Variants in SHROOM4 observed in about 807,000 individuals in gnomAD.
SHROOM4 encodes protein Shroom4.
In SHROOM4, 17 loss-of-function variants were observed where a neutral mutation model predicts 80.3. The ratio of observed to expected loss-of-function variants is 0.21; its 90% CI spans 0.14 to 0.32. The LOEUF is 0.32. Among genes scored for constraint, SHROOM4 ranks in the 10% least tolerant of loss-of-function variants. The pLI is 1.00. For synonymous variants in SHROOM4, 400 were observed against 437.5 expected, an observed-to-expected ratio of 0.91 and a Z score of 1.07; for missense variants, 993 against 1,140.3, an observed-to-expected ratio of 0.87 and a Z score of 1.86.
At chrX:50,666,677 A>G (rs1253867192) in intron 2 of SHROOM4, among the ~76,000 whole-genome samples, 2 of 112,303 alleles carry the variant, frequency 1.8e-5, no homozygotes, top group African/African-American at 6.5e-5. Flanking sequence ...ACAAGTTTTT[A>G]ATTTTTGTTC....
chrX:50,799,889 C>CA (rs782234461), intron 1 of SHROOM4, among the ~76,000 whole-genome samples: 5 of 111,921 alleles, frequency 4.5e-5, no homozygotes, highest in Non-Finnish European at 9.4e-5. Context: ...CTGCAATCAT[C>CA]AGCCAGCCGG....
At chrX:50,745,965 G>C (rs1168926560) in intron 1 of SHROOM4, among the ~76,000 whole-genome samples, 1 of 110,889 alleles carries the variant, frequency 9.0e-6, no homozygotes, top group Non-Finnish European at 1.9e-5. Context: ...CTGGTGAGAG[G>C]GTTTGTTGAG....
intron 1 of SHROOM4, among the ~76,000 whole-genome samples, chrX:50,813,147 G>A (rs1409222958): frequency 4.4e-5 from 4 of 91,349 alleles, no homozygotes; most frequent in Admixed American, 2.6e-4. Flanking sequence ...GGCGGCGGCG[G>A]CGGCGGCGGC....
At chrX:50,687,731 T>C (rs868942155) in intron 2 of SHROOM4, among the ~76,000 whole-genome samples, 2 of 111,117 alleles carry the variant, frequency 1.8e-5, no homozygotes, top group South Asian at 7.6e-4. Context: ...AAACTAGATT[T>C]TTTGCTTTTT....
At chrX:50,805,020 C>T (rs1266224951) in intron 1 of SHROOM4, among the ~76,000 whole-genome samples, 2 of 111,717 alleles carry the variant, frequency 1.8e-5, no homozygotes, top group African/African-American at 6.5e-5. Flanking sequence ...ATCACTCACA[C>T]TCTCAGTCAG....
chrX:50,660,221 G>A (rs1381608499), intron 2 of SHROOM4, among the ~76,000 whole-genome samples: 1 of 111,686 alleles, frequency 9.0e-6, no homozygotes, highest in African/African-American at 3.3e-5. Flanking sequence ...AGTGCTTTAC[G>A]AAGTTTCATA....
At chrX:50,791,211 T>C (rs1198151275) in intron 1 of SHROOM4, among the ~76,000 whole-genome samples, 11 of 111,368 alleles carry the variant, frequency 9.9e-5, no homozygotes, top group African/African-American at 3.6e-4. Context: ...CCATTTACTA[T>C]AGCACCTAAA....
At chrX:50,605,804 G>A (rs1280959975) in intron 6 of SHROOM4, among the ~76,000 whole-genome samples, 5 of 112,451 alleles carry the variant, frequency 4.4e-5, no homozygotes, top group Admixed American at 1.9e-4. Flanking sequence ...GGCTAATAGG[G>A]CTATTGGGAG....
chrX:50,683,734 T>C (rs781825047), intron 2 of SHROOM4, among the ~76,000 whole-genome samples: 1 of 110,917 alleles, frequency 9.0e-6, no homozygotes, highest in South Asian at 3.9e-4. Context: ...TGGAGATACG[T>C]GTGGGGTATA....
intron 1 of SHROOM4, among the ~76,000 whole-genome samples, chrX:50,786,734 G>A (rs981115432): frequency 9.0e-5 from 10 of 111,259 alleles, no homozygotes; most frequent in Non-Finnish European, 1.9e-4. Context: ...CTCACACAAA[G>A]AGCCAAGGGA....
At chrX:50,804,296 C>A (rs1446877139) in intron 1 of SHROOM4, among the ~76,000 whole-genome samples, 1 of 111,766 alleles carries the variant, frequency 8.9e-6, no homozygotes, top group Non-Finnish European at 1.9e-5. Flanking sequence ...TGAAGAGTGG[C>A]AGAGTTGGGA....
chrX:50,772,218 T>C (rs1476809728), intron 1 of SHROOM4, among the ~76,000 whole-genome samples: 1 of 111,961 alleles, frequency 8.9e-6, no homozygotes, highest in African/African-American at 3.3e-5. Flanking sequence ...ACAATAAAGC[T>C]ACGGTCATTT....
chrX:50,597,209 T>C (rs1602350478), intron 8 of SHROOM4, among the ~76,000 whole-genome samples: 1 of 112,334 alleles, frequency 8.9e-6, no homozygotes, highest in African/African-American at 3.2e-5. Flanking sequence ...TCCATCTCTT[T>C]AACGCTGTCT....
At chrX:50,639,176 A>G (rs782338196) in intron 2 of SHROOM4, among the ~76,000 whole-genome samples, 1 of 112,649 alleles carries the variant, frequency 8.9e-6, no homozygotes, top group East Asian at 2.8e-4. Flanking sequence ...CATACTTCGC[A>G]TGAGCAGTTG....
intron 2 of SHROOM4, among the ~76,000 whole-genome samples, chrX:50,657,626 G>A (rs957784046): frequency 5.4e-5 from 6 of 110,638 alleles, no homozygotes; most frequent in African/African-American, 9.8e-5. Flanking sequence ...AATGGGTTGC[G>A]AAGGTGGGGG....
chrX:50,776,696 T>A (rs782751656), intron 1 of SHROOM4, among the ~76,000 whole-genome samples: 18 of 110,247 alleles, frequency 1.6e-4, no homozygotes, highest in South Asian at 1.2e-3. Context: ...TCTTTTTTTT[T>A]ATTTTTTTTT....
chrX:50,699,840 T>C (rs954602026), intron 1 of SHROOM4, among the ~76,000 whole-genome samples: 10 of 112,429 alleles, frequency 8.9e-5, no homozygotes, highest in Non-Finnish European at 1.9e-4. Flanking sequence ...TTTAGTCAGA[T>C]ACTAACAGAT....
At chrX:50,757,276 T>C (rs1935057474) in intron 1 of SHROOM4, among the ~76,000 whole-genome samples, 1 of 112,151 alleles carries the variant, frequency 8.9e-6, no homozygotes, top group Non-Finnish European at 1.9e-5. Flanking sequence ...TCTTGGCAAG[T>C]TTGCCCAAAA....
At chrX:50,685,994 CACCTGGTCTA>C (rs1933061411) in intron 2 of SHROOM4, among the ~76,000 whole-genome samples, 1 of 111,315 alleles carries the variant, frequency 9.0e-6, no homozygotes, top group Non-Finnish European at 1.9e-5. Flanking sequence ...TTGATAATAA[CACCTGGTCTA>C]TGAGTTGTGT....
Sources: gnomAD v4.1 joint callset for allele counts (sites outside exome capture counted in the v4.1 genomes callset) on GRCh38, gnomAD v4.1.1 for gene constraint, MANE v1.5 for transcripts, NCBI Gene and HGNC (gene_info 2026-07-23, HGNC 2026-07-21) for gene names.